Variants in ERCC6L observed in about 807,000 individuals in gnomAD.
The protein encoded by ERCC6L is ERCC excision repair 6 like, spindle assembly checkpoint helicase.
ERCC6L carries 7 observed loss-of-function variants against 20.1 expected under a neutral mutation model. That is an observed-to-expected ratio of 0.35 (90% confidence interval 0.20 to 0.65). The LOEUF (loss-of-function observed/expected upper bound fraction) is 0.65, where lower values mean the gene tolerates loss of function less well. Ranked by LOEUF, ERCC6L falls within the 30% of genes least tolerant of loss-of-function variation. The pLI is 0.69. For missense variants in ERCC6L, 592 were observed against 892.4 expected (o/e 0.66, Z 4.29); for synonymous variants, 278 against 331.3 (o/e 0.84, Z 1.75).
At chrX:72,221,175 C>T (rs2042920943) in intron 1 of ERCC6L, among the ~76,000 whole-genome samples, 1 of 112,102 alleles carries the variant, frequency 8.9e-6, no homozygotes, top group Non-Finnish European at 1.9e-5. Flanking sequence ...CTCCCCTCCT[C>T]CTCCCTTCTC....
At chrX:72,221,456 G>C (rs2042922680) in intron 1 of ERCC6L, among the ~76,000 whole-genome samples, 1 of 110,611 alleles carries the variant, frequency 9.0e-6, no homozygotes, top group East Asian at 2.9e-4. Flanking sequence ...CTTTCATCTG[G>C]GGATGCCTAG....
At chrX:72,214,672 C>CAAAAAA (rs58451189) in intron 1 of ERCC6L, among the ~76,000 whole-genome samples, 4 of 41,977 alleles carry the variant, frequency 9.5e-5, no homozygotes, top group African/African-American at 2.6e-4. Flanking sequence ...GACTCCATCT[C>CAAAAAA]AAAAAAAAAA....
chrX:72,237,075 T>C (rs1261545708), intron 1 of ERCC6L, among the ~76,000 whole-genome samples: 1 of 112,475 alleles, frequency 8.9e-6, no homozygotes, highest in African/African-American at 3.2e-5. Context: ...TGAATGGCAA[T>C]TTTAAATACA....
In ERCC6L at chrX:72,208,626, T is replaced by A; in HGVS notation, c.141A>T (p.Ala47=). Residue 47 remains alanine, a synonymous_variant, in exon 2 of 2, where the codon GCA becomes GCT. Coordinates refer to ENST00000334463, the MANE Select transcript of ERCC6L (RefSeq NM_017669.4). ...CTTTTTCATTGGGAAAAATGTCCTT[T>A]GCCAAATTGAAAAGTTTAAATGCTT... is the stretch of plus-strand genomic sequence containing the variant. The part of the protein sequence containing the change: ...LEEAFKLFNL[A]KDIFPNEKVL... 2.5e-6 allele frequency: 3 copies of A among 1,211,704 alleles called. No individual in the cohort carries two copies. The highest frequency in any genetic ancestry group is 3.4e-6 in the Non-Finnish European group (3 of 895,436).
chrX:72,227,228 G>A, intron 1 of ERCC6L, among the ~76,000 whole-genome samples: 1 of 111,884 alleles, frequency 8.9e-6, no homozygotes, highest in Non-Finnish European at 1.9e-5. Flanking sequence ...ATCATACCCA[G>A]GTTCAGGGTG....
At chrX:72,210,044 G>A (rs1441478983) in intron 1 of ERCC6L, among the ~76,000 whole-genome samples, 4 of 108,188 alleles carry the variant, frequency 3.7e-5, no homozygotes, top group East Asian at 2.9e-4. Context: ...ATATGATGCC[G>A]AACACACAAG....
chrX:72,211,519 C>A (rs2042853958), intron 1 of ERCC6L, among the ~76,000 whole-genome samples: 1 of 112,082 alleles, frequency 8.9e-6, no homozygotes, highest in Non-Finnish European at 1.9e-5. Context: ...TCACCTCCCA[C>A]AAGGTGTCTC....
intron 1 of ERCC6L, among the ~76,000 whole-genome samples, chrX:72,216,705 G>T (rs1467264118): frequency 9.0e-6 from 1 of 110,972 alleles, no homozygotes; most frequent in Non-Finnish European, 1.9e-5. Context: ...AGATAACCTT[G>T]GGCTAGAAGA....
intron 1 of ERCC6L, among the ~76,000 whole-genome samples, chrX:72,222,341 A>G (rs1178753185): frequency 9.0e-6 from 1 of 111,624 alleles, no homozygotes; most frequent in Admixed American, 9.5e-5. Flanking sequence ...TCCTGATGAA[A>G]AGGAGAGCAT....
intron 1 of ERCC6L, among the ~76,000 whole-genome samples, chrX:72,230,274 G>C (rs1208711760): frequency 9.0e-6 from 1 of 110,737 alleles, no homozygotes; most frequent in Non-Finnish European, 1.9e-5. Context: ...CCCAACCAGA[G>C]ACATGCTAGC....
intron 1 of ERCC6L, among the ~76,000 whole-genome samples, chrX:72,232,629 C>A (rs773470255): frequency 1.1e-4 from 12 of 110,561 alleles, no homozygotes; most frequent in African/African-American, 3.6e-4. Flanking sequence ...GCTAACATGA[C>A]GAAACCCCGT....
At chrX:72,229,319 G>A (rs2042970217) in intron 1 of ERCC6L, among the ~76,000 whole-genome samples, 1 of 111,753 alleles carries the variant, frequency 8.9e-6, no homozygotes, top group Non-Finnish European at 1.9e-5. Flanking sequence ...TTCCGCAACT[G>A]GCTCGTTTGA....
At position 72,234,736 on chromosome X, in the gene ERCC6L, G is replaced by A. The variant is rs186359952; in HGVS notation, c.68+4108C>T. Among the ~76,000 whole-genome samples the A allele has an allele frequency of 4.2e-3, 471 of 111,376 alleles. 2 individuals carry two copies. The highest frequency in any genetic ancestry group is 0.014 in the African/African-American group (432 of 30,655). On this transcript the variant is annotated intron_variant, in intron 1 of 1. Transcript: ENST00000334463. ...CCATACTAACAGGACAGAAGGCAAA[G>A]AACACAGAGGGAATAATGCTGGGAA...
At chrX:72,236,305 T>C (rs1157421425) in intron 1 of ERCC6L, among the ~76,000 whole-genome samples, 3 of 110,921 alleles carry the variant, frequency 2.7e-5, no homozygotes, top group Non-Finnish European at 3.8e-5. Context: ...ATCTTTTTTT[T>C]CTTTTTTTTC....
At chrX:72,228,320 C>T (rs2042964965) in intron 1 of ERCC6L, among the ~76,000 whole-genome samples, 1 of 112,066 alleles carries the variant, frequency 8.9e-6, no homozygotes, top group Non-Finnish European at 1.9e-5. Context: ...CACCAGGGAA[C>T]AAACATTTCT....
intron 1 of ERCC6L, among the ~76,000 whole-genome samples, chrX:72,213,613 G>A (rs1042155351): frequency 1.8e-5 from 2 of 112,133 alleles, no homozygotes; most frequent in African/African-American, 3.2e-5. Context: ...CAGGGTGTCC[G>A]CTGCGTTTCT....
chrX:72,230,925 A>T (rs1304449322), intron 1 of ERCC6L, among the ~76,000 whole-genome samples: 1 of 112,236 alleles, frequency 8.9e-6, no homozygotes, highest in Non-Finnish European at 1.9e-5. Context: ...AGATCGTGCC[A>T]CTGCACTCCA....
At chrX:72,213,990 T>G (rs1207740667) in intron 1 of ERCC6L, among the ~76,000 whole-genome samples, 4 of 112,594 alleles carry the variant, frequency 3.6e-5, no homozygotes, top group Admixed American at 2.8e-4. Context: ...TCCAGTCCCC[T>G]TGTCAAGATG....
At chrX:72,233,187 T>C (rs2042995548) in intron 1 of ERCC6L, among the ~76,000 whole-genome samples, 1 of 111,619 alleles carries the variant, frequency 9.0e-6, no homozygotes. Flanking sequence ...ACAATATAGC[T>C]ACACAGCCTT....
Sources: gnomAD v4.1 joint callset for allele counts (sites outside exome capture counted in the v4.1 genomes callset) on GRCh38, gnomAD v4.1.1 for gene constraint, MANE v1.5 for transcripts, NCBI Gene and HGNC (gene_info 2026-07-23, HGNC 2026-07-21) for gene names.